The following ZNF157 variants were observed in gnomAD, a reference collection of about 807,000 sequenced individuals.
ZNF157 encodes the protein zinc finger protein 22.
Under a neutral mutation model 9.4 loss-of-function variants are expected in ZNF157, and 8 were observed. The observed-to-expected ratio is 0.85, with a 90% confidence interval of 0.50 to 1.53. The LOEUF is 1.53. Ranked by LOEUF, ZNF157 falls within the 40% of genes most tolerant of loss-of-function variation. ZNF157 has a pLI of 0.00. For synonymous variants in ZNF157, 120 were observed against 130.8 expected, an observed-to-expected ratio of 0.92 and a Z score of 0.56; for missense variants, 316 against 385.2, an observed-to-expected ratio of 0.82 and a Z score of 1.50.
intron 1 of ZNF157, among the ~76,000 whole-genome samples, chrX:47,395,125 C>T (rs1248668093): frequency 9.0e-6 from 1 of 111,097 alleles, no homozygotes; most frequent in Non-Finnish European, 1.9e-5. Flanking sequence ...CCATGTTGCC[C>T]AGGCATTGCT....
At chrX:47,396,900 G>A (rs2055915102) in intron 1 of ZNF157, among the ~76,000 whole-genome samples, 1 of 111,542 alleles carries the variant, frequency 9.0e-6, no homozygotes, top group African/African-American at 3.3e-5. Context: ...GCATGTGCAG[G>A]GGAACTCCCC....
intron 3 of ZNF157, 25 bp from the exon 4 acceptor site, chrX:47,412,344 G>A (rs375965911): frequency 3.7e-5 from 42 of 1,132,734 alleles, no homozygotes; most frequent in Non-Finnish European, 5.0e-5. Flanking sequence ...ATAAAAGAGT[G>A]ACATGCTGTG....
chrX:47,376,552 G>C (rs2055845478), intron 1 of ZNF157, among the ~76,000 whole-genome samples: 1 of 111,198 alleles, frequency 9.0e-6, no homozygotes, highest in Admixed American at 9.7e-5. Flanking sequence ...AGAGGCAGAG[G>C]TTGAAGTGAG....
intron 1 of ZNF157, among the ~76,000 whole-genome samples, chrX:47,386,219 C>T (rs746958422): frequency 1.8e-5 from 2 of 111,096 alleles, no homozygotes; most frequent in East Asian, 2.8e-4. Flanking sequence ...ATCGTATGTG[C>T]GCTTTATCCA....
At chrX:47,407,011 A>G (rs887235817) in intron 1 of ZNF157, among the ~76,000 whole-genome samples, 4 of 112,203 alleles carry the variant, frequency 3.6e-5, no homozygotes, top group Non-Finnish European at 7.5e-5. Context: ...ATCAGGTTAA[A>G]GAAGTTTCCT....
At chrX:47,372,270 G>A (rs770013205) in intron 1 of ZNF157, among the ~76,000 whole-genome samples, 1 of 109,468 alleles carries the variant, frequency 9.1e-6, no homozygotes, top group Non-Finnish European at 1.9e-5. Flanking sequence ...AGAGGGTGCT[G>A]AGAGTCAAGT....
intron 1 of ZNF157, among the ~76,000 whole-genome samples, chrX:47,388,090 A>C (rs1464255140): frequency 9.2e-6 from 1 of 108,386 alleles, no homozygotes; most frequent in Non-Finnish European, 1.9e-5. Flanking sequence ...TTACTTTATT[A>C]TTATTATTTT....
chrX:47,411,960 T>TTTTG (rs1202539886), intron 3 of ZNF157, among the ~76,000 whole-genome samples: 1 of 110,587 alleles, frequency 9.0e-6, no homozygotes, highest in African/African-American at 3.3e-5. Context: ...ATAGAGGGTT[T>TTTTG]TTTGTTTGTT....
intron 1 of ZNF157, among the ~76,000 whole-genome samples, chrX:47,399,974 C>T (rs1300240814): frequency 2.8e-5 from 3 of 105,820 alleles, no homozygotes; most frequent in African/African-American, 1.0e-4. Flanking sequence ...AGCCACATTG[C>T]CCAGTTTCTG....
chrX:47,389,473 C>T (rs1372354426), intron 1 of ZNF157, among the ~76,000 whole-genome samples: 2 of 111,065 alleles, frequency 1.8e-5, no homozygotes, highest in Non-Finnish European at 3.8e-5. Context: ...ACCTCAGCCT[C>T]TCGACTAGCT....
rs1265280305 is a variant in ZNF157, at chrX:47,401,863, C to T, written c.73-8413C>T. The stretch of plus-strand genomic sequence containing the variant: ...CAAGCAAACCTCCCACCTCAGCCTC[C>T]CAGGTAGCTAGGACCACAGGTGTGT... On this transcript the variant is annotated intron_variant, in intron 1 of 3. Coordinates refer to ENST00000377073, the MANE Select transcript of ZNF157 (RefSeq NM_003446.4). Among the ~76,000 whole-genome samples the T allele has an allele frequency of 3.6e-5, 4 of 110,528 alleles. No individual in the cohort carries two copies. The East Asian group carries it at 1.1e-3, about 31-fold the overall frequency.
At chrX:47,386,009 T>C (rs2055878547) in intron 1 of ZNF157, among the ~76,000 whole-genome samples, 1 of 111,013 alleles carries the variant, frequency 9.0e-6, no homozygotes, top group South Asian at 3.8e-4. Context: ...CCCACCACCA[T>C]GTTCTTGCTT....
At chrX:47,409,417 C>T (rs1346500374) in intron 1 of ZNF157, among the ~76,000 whole-genome samples, 4 of 111,692 alleles carry the variant, frequency 3.6e-5, no homozygotes, top group Non-Finnish European at 7.5e-5. Flanking sequence ...TCACTGCAAC[C>T]TCCACCTCCC....
At chrX:47,372,456 C>G (rs1351427812) in intron 1 of ZNF157, among the ~76,000 whole-genome samples, 2 of 108,250 alleles carry the variant, frequency 1.8e-5, no homozygotes, top group African/African-American at 3.4e-5. Context: ...ATGCCTTGCC[C>G]TATGTATCTC....
At chrX:47,383,737 C>T (rs1301687061) in intron 1 of ZNF157, among the ~76,000 whole-genome samples, 1 of 106,590 alleles carries the variant, frequency 9.4e-6, no homozygotes, top group Non-Finnish European at 1.9e-5. Context: ...TTGGCTCCAC[C>T]CCGGGATGGG....
chrX:47,406,196 C>CT (rs1052172446), intron 1 of ZNF157, among the ~76,000 whole-genome samples: 1 of 110,615 alleles, frequency 9.0e-6, no homozygotes, highest in Non-Finnish European at 1.9e-5. Context: ...TCCCAAAGTG[C>CT]TAGGATTATA....
intron 1 of ZNF157, among the ~76,000 whole-genome samples, chrX:47,405,462 A>G (rs1218821306): frequency 9.1e-6 from 1 of 110,478 alleles, no homozygotes; most frequent in African/African-American, 3.3e-5. Flanking sequence ...CCCTCCTCCA[A>G]CGCTGAAGAT....
At chrX:47,401,320 C>CATT (rs2055929721) in intron 1 of ZNF157, among the ~76,000 whole-genome samples, 1 of 112,214 alleles carries the variant, frequency 8.9e-6, no homozygotes, top group East Asian at 2.8e-4. Context: ...TCTCCAGTCT[C>CATT]TATAAATACA....
At position 47,372,441 on chromosome X, in the gene ZNF157, C is replaced by T. The variant is rs189806085; in HGVS notation, c.72+1701C>T. Among the ~76,000 whole-genome samples the T allele has an allele frequency of 2.8e-3, 311 of 109,920 alleles. 1 individual carries two copies. Among genetic ancestry groups the T allele is most frequent in the African/African-American group, 0.01 (302 of 30,185 alleles). On this transcript the variant is annotated intron_variant, in intron 1 of 3. Transcript: ENST00000377073. The stretch of plus-strand genomic sequence containing the variant: ...AGCGCATGAAGACTCCAGGCCCCTT[C>T]CCACATGCCTTGCCCTATGTATCTC...
Sources: allele counts gnomAD v4.1 joint callset (sites outside exome capture counted in the v4.1 genomes callset), GRCh38; gene constraint gnomAD v4.1.1; transcripts MANE v1.5; gene names NCBI Gene and HGNC (gene_info 2026-07-23, HGNC 2026-07-21).